FBH1: variants seen among roughly 807,000 people sequenced by gnomAD.
FBH1 encodes DNA 3'-5' helicase 1.
A neutral mutation model predicts 115.5 loss-of-function variants in FBH1; 43 were observed. The ratio of observed to expected loss-of-function variants is 0.37; its 90% CI spans 0.29 to 0.48. The LOEUF (loss-of-function observed/expected upper bound fraction) is 0.48. Ranked by LOEUF, FBH1 falls within the 20% of genes least tolerant of loss-of-function variation. The pLI is 0.99. For missense variants in FBH1, 1,001 were observed against 1,337.3 expected (o/e 0.75, Z 3.92); for synonymous variants, 524 against 507.8 (o/e 1.03, Z -0.43).
intron 3 of FBH1, among the ~76,000 whole-genome samples, chr10:5,907,029 C>G (rs982600361): frequency 2.0e-5 from 3 of 151,770 alleles, no homozygotes; most frequent in East Asian, 2.0e-4. Flanking sequence ...GTGGCACGAT[C>G]CTGACTCACT....
rs1761747322 is a variant in FBH1 at position 5,924,947 on chromosome 10, G to A, written c.2597-420G>A. On this transcript the variant is annotated intron_variant, in intron 17 of 20. Coordinates refer to ENST00000362091, the MANE Select transcript of FBH1 (RefSeq NM_178150.3). The surrounding 1 kb of genome is among the most constrained non-coding windows in gnomAD (Gnocchi z 6.2). ...TTAAGGGAAAGGGGAGCAGAGTCCT[G>A]GTTCTTCCTCAGGGGCTCTTTATTC... 5.6e-6 allele frequency: 2 copies of A among 355,940 alleles called. No homozygotes were observed. The highest frequency in any genetic ancestry group is 4.2e-5 in the African/African-American group (2 of 47,190). 22.0% of individuals were successfully genotyped at this position (355,940 alleles called of 1,614,324 possible).
Position 5,923,894 on chromosome 10 carries a change from T to C in FBH1, c.2398+198T>C. On this transcript the variant is annotated intron_variant, in intron 16 of 20. Transcript: ENST00000362091. The surrounding 1 kb of genome is among the most constrained non-coding windows in gnomAD (Gnocchi z 5.7). ...ACTGACAGATTTTTCCAGATCCTCCTCACAGGAGCCTCAGTCTCTTTCCAA... is the reference window on the plus strand; with the variant it reads ...ACTGACAGATTTTTCCAGATCCTCCCCACAGGAGCCTCAGTCTCTTTCCAA... The C allele has an allele frequency of 1.7e-6, 1 of 593,894 alleles. No individual in the cohort carries two copies. Among genetic ancestry groups the C allele is most frequent in the East Asian group, 2.8e-5 (1 of 35,382 alleles). The allele number at this position is 593,894 out of a possible 1,614,324, so 36.8% of individuals were successfully genotyped here.
At position 5,925,953 on chromosome 10, in the gene FBH1, A is replaced by G. The variant is rs1832621086; in HGVS notation, c.2722+461A>G. 6.6e-6 allele frequency among the ~76,000 whole-genome samples: 1 copy of G among 152,110 alleles called. No individual in the cohort carries two copies. The highest frequency in any genetic ancestry group is 2.1e-4 in the South Asian group (1 of 4,826). On this transcript the variant is annotated intron_variant, in intron 18 of 20. Transcript: ENST00000362091. This position sits in a 1 kb window ranked among gnomAD's most constrained non-coding sequence, Gnocchi z 4.6. ...TATCATTTGTCTGGTGTTTTTTGGT[A>G]CAGACAGGGGTCTCACTATGTTGCT...
chr10:5,927,633 G>A, intron 19 of FBH1, 92 bp downstream of exon 19: 2 of 916,976 alleles, frequency 2.2e-6, no homozygotes, highest in East Asian at 2.5e-5. Context: ...AGAGGCCTTC[G>A]GATCAAGATC....
In FBH1 at chr10:5,911,884, C is replaced by T. The variant is rs114977804; in HGVS notation, c.1211+756C>T. ...TGAAACCTGAGTGTGGAGGAGGAAC[C>T]GCCGTTTCACAACTGTGGGGAGAGC... On this transcript the variant is annotated intron_variant, in intron 6 of 20. Transcript: ENST00000362091. This position sits in a 1 kb window ranked among gnomAD's most constrained non-coding sequence, Gnocchi z 5.4. 4.3e-3 allele frequency among the ~76,000 whole-genome samples: 652 copies of T among 152,128 alleles called. 2 individuals carry two copies. The highest frequency in any genetic ancestry group is 0.013 in the African/African-American group (540 of 41,476).
At chr10:5,903,988 A>G (rs1349628873) in intron 2 of FBH1, among the ~76,000 whole-genome samples, 4 of 152,218 alleles carry the variant, frequency 2.6e-5, no homozygotes, top group Non-Finnish European at 5.9e-5. Context: ...ACTTTAGTTA[A>G]TAAATCTAGA....
At chr10:5,929,108 T>C (rs1175845160) in intron 19 of FBH1, among the ~76,000 whole-genome samples, 1 of 152,202 alleles carries the variant, frequency 6.6e-6, no homozygotes, top group Non-Finnish European at 1.5e-5. Context: ...ATTGAGGGCC[T>C]AACACTTGCC....
Position 5,917,294 on chromosome 10 carries a change from G to A in FBH1, c.1789-126G>A, listed in dbSNP as rs1832025673. 5.4e-6 allele frequency: 4 copies of A among 736,196 alleles called. No individual in the cohort carries two copies. In the Admixed American group the frequency reaches 6.4e-5, roughly 12 times the overall value. The allele number at this position is 736,196 out of a possible 1,614,324, so 45.6% of individuals were successfully genotyped here. A position where few individuals can be genotyped will look rare whatever the true frequency, so the allele number is the denominator to read the frequency against. On this transcript the variant is annotated intron_variant, in intron 10 of 20. Coordinates refer to ENST00000362091, the MANE Select transcript of FBH1 (RefSeq NM_178150.3). This position sits in a 1 kb window ranked among gnomAD's most constrained non-coding sequence, Gnocchi z 5.6. The stretch of plus-strand genomic sequence containing the variant: ...AGGAGACCCAGGAGGTTAGGGTGGT[G>A]TCTGCGGTCCCCCTTCTGTGAGGAT...
chr10:5,894,609 G>T, intron 1 of FBH1: 5 of 748,760 alleles, frequency 6.7e-6, no homozygotes, highest in East Asian at 2.5e-5. Flanking sequence ...AAGCTGTAAA[G>T]CACTTAGGAG....
At chr10:5,930,186 C>T (rs1277567380) in intron 19 of FBH1, among the ~76,000 whole-genome samples, 3 of 152,286 alleles carry the variant, frequency 2.0e-5, no homozygotes, top group Middle Eastern at 3.4e-3. Flanking sequence ...ATGCCATTTT[C>T]GTATTTTATA....
chr10:5,918,568 C>A lies in FBH1; in HGVS notation c.2100+90C>A. The A allele has an allele frequency of 7.1e-7, 1 of 1,410,342 alleles. No individual in the cohort carries two copies. The highest frequency in any genetic ancestry group is 9.3e-7 in the Non-Finnish European group (1 of 1,072,602). 87.4% of individuals were successfully genotyped at this position (1,410,342 alleles called of 1,614,324 possible). A position where few individuals can be genotyped will look rare whatever the true frequency, so the allele number is the denominator to read the frequency against. On this transcript the variant is annotated intron_variant, in intron 13 of 20. Transcript: ENST00000362091. The surrounding 1 kb of genome is among the most constrained non-coding windows in gnomAD (Gnocchi z 4.0). ...GTGAAAGGTGGTATGCCAGGCTCAC[C>A]AGATCTAGCAAATCCTTGCTTCTAA...
chr10:5,889,605 C>T, upstream of FBH1: 1 of 224,422 alleles, frequency 4.5e-6, no homozygotes. Flanking sequence ...GGAGAAGCCG[C>T]GGTTCCGGGC....
chr10:5,903,528 C>T (rs1843498807), intron 2 of FBH1, among the ~76,000 whole-genome samples: 1 of 151,916 alleles, frequency 6.6e-6, no homozygotes, highest in African/African-American at 2.4e-5. Flanking sequence ...GGGGTTTCTC[C>T]ATGTTGGTCA....
intron 1 of FBH1, among the ~76,000 whole-genome samples, chr10:5,892,570 A>C (rs1842793780): frequency 6.6e-6 from 1 of 152,216 alleles, no homozygotes; most frequent in South Asian, 2.1e-4. Context: ...TGCCTTTTGA[A>C]GACCAGTCTC....
rs534464544 is a variant in FBH1 at position 5,899,077 on chromosome 10, T to C, written c.2-3943T>C. Among the ~76,000 whole-genome samples, 6 of 152,328 alleles carry C rather than the reference T, an allele frequency of 3.9e-5. No individual in the cohort carries two copies. The South Asian group carries it at 1.2e-3, about 32-fold the overall frequency. On this transcript the variant is annotated intron_variant, in intron 1 of 20. Transcript: ENST00000362091. The stretch of plus-strand genomic sequence containing the variant: ...TCTATACAAATCTGCCAGCCTCTGT[T>C]TGTAGCTGTTTCCAAAAGCCAAATG...
chr10:5,916,183 A>G (rs1831925140), intron 9 of FBH1, 51 bp from the exon 10 acceptor site: 3 of 1,516,830 alleles, frequency 2.0e-6, no homozygotes, highest in Non-Finnish European at 2.7e-6. Flanking sequence ...GACGTTCAAT[A>G]GCACCAAGCC....
intron 1 of FBH1, chr10:5,894,618 A>G: frequency 1.4e-6 from 1 of 738,448 alleles, no homozygotes; most frequent in Non-Finnish European, 2.5e-6. Flanking sequence ...AGCACTTAGG[A>G]GCTCTGGGAG....
In FBH1 at chr10:5,915,454, G is replaced by C. The variant is rs994751274; in HGVS notation, c.1448G>C (p.Ser483Thr). The part of the protein sequence containing the change: ...LVKYAEKWSQ[S>T]RFLYVTFNKS... ...AAGTATGCAGAGAAGTGGTCTCAGA[G>C]CAGGTTTCTGTATGTGACATTCAAC... The change falls in exon 9 of 21, where the codon AGC (serine) becomes ACC (threonine). Residue 483 changes from serine (S) to threonine (T), a missense_variant. Ser to Thr is a moderately conservative substitution (Grantham distance 58). Around this residue, in one of 4 missense-constraint regions of FBH1, gnomAD observed 521 missense variants for 811.0 expected, o/e 0.64. Transcript: ENST00000362091. The surrounding 1 kb of genome is among the most constrained non-coding windows in gnomAD (Gnocchi z 5.2). 7 of 1,614,092 alleles carry C rather than the reference G, an allele frequency of 4.3e-6. No homozygotes were observed. In the African/African-American group the frequency reaches 9.3e-5, roughly 22 times the overall value.
chr10:5,935,197 C>T lies in FBH1; in HGVS notation c.2830-1259C>T, dbSNP rs1422557121. The T allele has an allele frequency of 6.6e-6, 1 of 152,168 alleles. No individual in the cohort carries two copies. Among genetic ancestry groups the T allele is most frequent in the Non-Finnish European group, 1.5e-5 (1 of 68,036 alleles). 9.4% of individuals were successfully genotyped at this position (152,168 alleles called of 1,614,324 possible). A position where few individuals can be genotyped will look rare whatever the true frequency, so the allele number is the denominator to read the frequency against. On this transcript the variant is annotated intron_variant, in intron 19 of 20. Coordinates refer to ENST00000362091, the MANE Select transcript of FBH1 (RefSeq NM_178150.3). This position sits in a 1 kb window ranked among gnomAD's most constrained non-coding sequence, Gnocchi z 5.2. Reference sequence around the variant, plus strand: ...GCTTGAGAGCCTAGCCCTGGAGAAACTTCTGGAGTGGACAGGGAGTCAGGT... The same window carrying T: ...GCTTGAGAGCCTAGCCCTGGAGAAATTTCTGGAGTGGACAGGGAGTCAGGT...
Sources: allele counts gnomAD v4.1 joint callset (sites outside exome capture counted in the v4.1 genomes callset), GRCh38; gene constraint gnomAD v4.1.1; regional missense constraint gnomAD v4.1.1; non-coding constraint Gnocchi (gnomAD v3.1); transcripts MANE v1.5; gene names NCBI Gene and HGNC (gene_info 2026-07-23, HGNC 2026-07-21).